Variants in CD244 observed in about 807,000 individuals in gnomAD.
CD244 encodes CD244 molecule.
A neutral mutation model predicts 45.5 loss-of-function variants in CD244; 20 were observed. That is an observed-to-expected ratio of 0.44 (90% confidence interval 0.31 to 0.64). The LOEUF is 0.64. Ranked by LOEUF, CD244 falls within the 30% of genes least tolerant of loss-of-function variation. CD244 has a pLI of 0.08. For missense variants in CD244, 407 were observed against 426.9 expected (o/e 0.95, Z 0.41); for synonymous variants, 185 against 160.5 (o/e 1.15, Z -1.15).
chr1:160,838,401 A>C, intron 5 of CD244, 50 bp downstream of exon 5: 1 of 1,308,912 alleles, frequency 7.6e-7, no homozygotes, highest in Non-Finnish European at 1.1e-6. Context: ...TCATTGAAAG[A>C]GCATTTTCCA....
chr1:160,859,894 A>G (rs974984707), intron 1 of CD244, among the ~76,000 whole-genome samples: 2 of 152,040 alleles, frequency 1.3e-5, no homozygotes, highest in African/African-American at 2.4e-5. Flanking sequence ...TGGGTGAAAG[A>G]ACCAGATCCT....
At chr1:160,844,277 A>C (rs1299673108) in intron 1 of CD244, among the ~76,000 whole-genome samples, 1 of 152,250 alleles carries the variant, frequency 6.6e-6, no homozygotes, top group African/African-American at 2.4e-5. Context: ...AGAAACCAAC[A>C]AACAGGGCAT....
At chr1:160,847,491 A>T (rs1669776448) in intron 1 of CD244, among the ~76,000 whole-genome samples, 1 of 152,208 alleles carries the variant, frequency 6.6e-6, no homozygotes, top group African/African-American at 2.4e-5. Flanking sequence ...TATTGAAATC[A>T]TACCAATTAT....
chr1:160,856,280 C>G (rs988302715), intron 1 of CD244, among the ~76,000 whole-genome samples: 2 of 152,150 alleles, frequency 1.3e-5, no homozygotes, highest in African/African-American at 2.4e-5. Context: ...CATATTAACT[C>G]TCTTCCTCAG....
At chr1:160,838,685 C>T in intron 4 of CD244, 167 bp from the exon 5 acceptor site, 4 of 637,428 alleles carry the variant, frequency 6.3e-6, no homozygotes, top group Non-Finnish European at 1.1e-5. Context: ...GAGGCAGCAA[C>T]CGAACTGCCC....
chr1:160,850,406 T>G lies in CD244; in HGVS notation c.62-8505A>C, dbSNP rs552991835. Among the ~76,000 whole-genome samples, 5 of 152,286 alleles carry G rather than the reference T, an allele frequency of 3.3e-5. No individual in the cohort carries two copies. In the South Asian group the frequency reaches 1.0e-3, roughly 32 times the overall value. On this transcript the variant is annotated intron_variant, in intron 1 of 8. Coordinates refer to ENST00000368034, the MANE Select transcript of CD244 (RefSeq NM_016382.4). ...AGATGTCAATTCTTCCTAAATTAAT[T>G]TATAGATTCAATAGAATTCCAATAA...
At chr1:160,832,663 A>G (rs1399316356) in intron 7 of CD244, 88 bp from the exon 8 acceptor site, 2 of 1,582,004 alleles carry the variant, frequency 1.3e-6, no homozygotes, top group East Asian at 2.3e-5. Flanking sequence ...AAAGAGACTC[A>G]GGGCCCAGAA....
rs867576600 is a variant in CD244, at chr1:160,845,045, A to G, written c.62-3144T>C. 2.0e-5 allele frequency among the ~76,000 whole-genome samples: 3 copies of G among 152,288 alleles called. No homozygotes were observed. In the South Asian group the frequency reaches 6.2e-4, roughly 32 times the overall value. On this transcript the variant is annotated intron_variant, in intron 1 of 8. Transcript: ENST00000368034. ...CAGTCTGGCAGCTGACCACACATGC[A>G]TGACTGATGCAAGAGGAAACCAAAA...
chr1:160,859,268 T>G (rs1428664459), intron 1 of CD244, among the ~76,000 whole-genome samples: 1 of 152,108 alleles, frequency 6.6e-6, no homozygotes, highest in Non-Finnish European at 1.5e-5. Flanking sequence ...GCAACATGGC[T>G]GAAATGCTGT....
At chr1:160,839,674 G>A (rs1437432026) in intron 3 of CD244, among the ~76,000 whole-genome samples, 1 of 152,196 alleles carries the variant, frequency 6.6e-6, no homozygotes, top group Non-Finnish European at 1.5e-5. Context: ...TGCAAAAACT[G>A]CACCTGTTTA....
chr1:160,859,224 G>C (rs900137185), intron 1 of CD244, among the ~76,000 whole-genome samples: 1 of 152,126 alleles, frequency 6.6e-6, no homozygotes, highest in African/African-American at 2.4e-5. Context: ...AGAAAACTGT[G>C]GATACAACAG....
At position 160,838,934 on chromosome 1, in the gene CD244, C is replaced by G; in HGVS notation, c.766+5G>C. 7.5e-6 allele frequency: 12 copies of G among 1,605,566 alleles called. No individual in the cohort carries two copies. The highest frequency in any genetic ancestry group is 1.0e-5 in the Non-Finnish European group (12 of 1,173,118). On this transcript the variant is annotated splice_donor_5th_base_variant and intron_variant, in intron 4 of 8. Coordinates refer to ENST00000368034, the MANE Select transcript of CD244 (RefSeq NM_016382.4). ...GGAGCACCACCCTAAGGACCTTCCA[C>G]TCACCTGACTGCTTCTCCTTCCTCT...
chr1:160,842,038 G>C (rs992969674), intron 1 of CD244, 137 bp from the exon 2 acceptor site: 3 of 649,628 alleles, frequency 4.6e-6, no homozygotes, highest in African/African-American at 3.6e-5. Context: ...GCACCTTAAA[G>C]CATATCCCCT....
chr1:160,862,236 G>A (rs1357243445), intron 1 of CD244, among the ~76,000 whole-genome samples: 1 of 152,186 alleles, frequency 6.6e-6, no homozygotes, highest in Non-Finnish European at 1.5e-5. Flanking sequence ...CTGAGCTCGA[G>A]AACCACCCAC....
At position 160,862,738 on chromosome 1, in the gene CD244, G is replaced by C. The variant is rs16832486; in HGVS notation, c.-61C>G. The C allele has an allele frequency of 2.6e-5, 38 of 1,479,606 alleles. No homozygotes were observed. Among genetic ancestry groups the C allele is most frequent in the Non-Finnish European group, 3.5e-5 (37 of 1,065,098 alleles). 91.7% of individuals were successfully genotyped at this position (1,479,606 alleles called of 1,614,324 possible). A position where few individuals can be genotyped will look rare whatever the true frequency, so the allele number is the denominator to read the frequency against. On this transcript the variant is annotated 5_prime_UTR_variant, in exon 1 of 9. Coordinates refer to ENST00000368034, the MANE Select transcript of CD244 (RefSeq NM_016382.4). ...CCCCACCAGACTCTCTGCCGTGCAC[G>C]GGCTCAGCAGTCCCCAGTCAGCAAG... is the stretch of plus-strand genomic sequence containing the variant.
chr1:160,836,032 C>T (rs1011270890), intron 6 of CD244, among the ~76,000 whole-genome samples, 163 bp downstream of exon 6: 5 of 152,162 alleles, frequency 3.3e-5, no homozygotes, highest in Non-Finnish European at 5.9e-5. Flanking sequence ...TAGTATCACA[C>T]GGATCTTTTC....
At position 160,830,488 on chromosome 1, in the gene CD244, C is replaced by T. The variant is rs915601924; in HGVS notation, c.*859G>A. On this transcript the variant is annotated 3_prime_UTR_variant, in exon 9 of 9. Coordinates refer to ENST00000368034, the MANE Select transcript of CD244 (RefSeq NM_016382.4). ...CCTGAGCCCTCCCTTCAATGTGCAT[C>T]CTGGGGAACACTCATCAGGACTCAG... 1 of 152,370 alleles carries T rather than the reference C, an allele frequency of 6.6e-6. No individual in the cohort carries two copies. Among genetic ancestry groups the T allele is most frequent in the Non-Finnish European group, 1.5e-5 (1 of 68,068 alleles). 9.4% of individuals were successfully genotyped at this position (152,370 alleles called of 1,614,324 possible). A position where few individuals can be genotyped will look rare whatever the true frequency, so the allele number is the denominator to read the frequency against.
chr1:160,858,234 G>A (rs943529940), intron 1 of CD244, among the ~76,000 whole-genome samples: 5 of 150,630 alleles, frequency 3.3e-5, no homozygotes, highest in African/African-American at 7.3e-5. Context: ...GAGGGGAGGT[G>A]CAATGAGGAA....
Position 160,862,711 on chromosome 1 carries a change from C to T in CD244, c.-34G>A, listed in dbSNP as rs1251836365. ...GACAGAGGGGCCAGGCCAGCCCCTC[C>T]ACCCCACCAGACTCTCTGCCGTGCA... On this transcript the variant is annotated 5_prime_UTR_variant, in exon 1 of 9. Coordinates refer to ENST00000368034, the MANE Select transcript of CD244 (RefSeq NM_016382.4). The T allele has an allele frequency of 1.2e-6, 2 of 1,601,226 alleles. No individual in the cohort carries two copies. The highest frequency in any genetic ancestry group is 1.7e-5 in the Admixed American group (1 of 59,776).
Sources: gnomAD v4.1 joint callset for allele counts (sites outside exome capture counted in the v4.1 genomes callset) on GRCh38, gnomAD v4.1.1 for gene constraint, MANE v1.5 for transcripts, NCBI Gene and HGNC (gene_info 2026-07-23, HGNC 2026-07-21) for gene names.